Variants in THADA observed in about 807,000 individuals in gnomAD.
The protein encoded by THADA is THADA armadillo repeat containing.
In THADA, 213 loss-of-function variants were observed where a neutral mutation model predicts 219.8. That is an observed-to-expected ratio of 0.97 (90% CI 0.87 to 1.09). THADA has a LOEUF of 1.09. Among genes scored for constraint, THADA ranks in the 50% least tolerant of loss-of-function variants. The pLI is 0.00. For synonymous variants in THADA, 1,018 were observed against 828.9 expected (o/e 1.23, Z -3.92); for missense variants, 2,956 against 2,311.3 (o/e 1.28, Z -5.72).
Position 43,590,710 on chromosome 2 carries a change from G to C in THADA, c.302+114C>G. 5.5e-6 allele frequency: 5 copies of C among 906,924 alleles called. No homozygotes were observed. The South Asian group carries it at 7.1e-5, about 13-fold the overall frequency. 56.2% of individuals were successfully genotyped at this position (906,924 alleles called of 1,614,324 possible). A position where few individuals can be genotyped will look rare whatever the true frequency, so the allele number is the denominator to read the frequency against. ...GAAACAGAGAACAAACCATATGAAT[G>C]AACTTTTTGTGATCTGTATCAGTTC... On this transcript the variant is annotated intron_variant, in intron 4 of 37. Transcript: ENST00000405975.
intron 25 of THADA, among the ~76,000 whole-genome samples, chr2:43,489,463 C>A (rs756717402): frequency 6.6e-6 from 1 of 152,020 alleles, no homozygotes; most frequent in African/African-American, 2.4e-5. Context: ...GTTATCTAAT[C>A]CAAGGTACAA....
At chr2:43,238,191 G>GAGA (rs1032252014) in intron 36 of THADA, among the ~76,000 whole-genome samples, 49 of 148,272 alleles carry the variant, frequency 3.3e-4, no homozygotes, top group Non-Finnish European at 5.8e-4. Flanking sequence ...GGAAAGAAGG[G>GAGA]AGAGAAGGAA....
intron 22 of THADA, among the ~76,000 whole-genome samples, chr2:43,521,512 C>T (rs1029194819): frequency 6.6e-6 from 1 of 152,168 alleles, no homozygotes; most frequent in Non-Finnish European, 1.5e-5. Context: ...GCCGAGATTG[C>T]ACCACTGCAC....
At chr2:43,543,715 G>A (rs1358221406) in intron 20 of THADA, among the ~76,000 whole-genome samples, 2 of 151,986 alleles carry the variant, frequency 1.3e-5, no homozygotes, top group African/African-American at 4.8e-5. Context: ...ACTTTTTGAT[G>A]GGGTTGTTTT....
intron 29 of THADA, among the ~76,000 whole-genome samples, chr2:43,349,027 A>T (rs1230761141): frequency 2.0e-5 from 3 of 152,156 alleles, no homozygotes; most frequent in Middle Eastern, 3.2e-3. Flanking sequence ...GTTATGACCC[A>T]ATCAGAAAAA....
In THADA at chr2:43,344,181, G is replaced by A; in HGVS notation, c.4284C>T (p.Phe1428=). ...SDSKHGTNSD[F]QHELTDITVC... is the part of the protein sequence containing the mutation. ...CAGTGATGTCAGTCAGCTCGTGCTG[G>A]AAGTCTGAATTCGTTCCGTGTTTGG... The change falls in exon 30 of 38, where the codon TTC becomes TTT. Residue 1428 remains phenylalanine (F), a synonymous_variant. Transcript: ENST00000405975. The A allele has an allele frequency of 6.2e-7, 1 of 1,612,780 alleles. No individual in the cohort carries two copies. The highest frequency in any genetic ancestry group is 1.1e-5 in the South Asian group (1 of 90,572).
intron 28 of THADA, among the ~76,000 whole-genome samples, chr2:43,418,845 G>A (rs1677336875): frequency 6.6e-6 from 1 of 152,154 alleles, no homozygotes; most frequent in Non-Finnish European, 1.5e-5. Context: ...AAAGGAGTCT[G>A]CAATAGCATC....
intron 28 of THADA, among the ~76,000 whole-genome samples, chr2:43,400,391 T>C (rs1157983000): frequency 1.3e-5 from 2 of 150,088 alleles, no homozygotes; most frequent in African/African-American, 4.9e-5. Flanking sequence ...TAACATTCAT[T>C]ATAAAGCAAT....
At chr2:43,471,018 G>C (rs1302631009) in intron 26 of THADA, among the ~76,000 whole-genome samples, 2 of 152,168 alleles carry the variant, frequency 1.3e-5, no homozygotes, top group African/African-American at 4.8e-5. Context: ...TGTAGGAAAA[G>C]AGTTGGAGTC....
Position 43,590,888 on chromosome 2 carries a change from C to G in THADA, c.238G>C (p.Asp80His). 9 of 1,613,348 alleles carry G rather than the reference C, an allele frequency of 5.6e-6. No homozygotes were observed. The highest frequency in any genetic ancestry group is 7.6e-6 in the Non-Finnish European group (9 of 1,179,406). ...MCDPTIQSCL[D>H]ILAGIYLSLS... ...GAAAGATAAATGCCTGCTAAGATAT[C>G]CAAACAACTTTGAATAGTGGGATCA... Residue 80 changes from aspartate to histidine, a missense_variant, in exon 4 of 38, where the codon GAT becomes CAT. By Grantham distance (81) the Asp-to-His change is moderately conservative (BLOSUM62 -1). Transcript: ENST00000405975.
intron 29 of THADA, among the ~76,000 whole-genome samples, chr2:43,353,480 C>T (rs553393081): frequency 6.6e-6 from 1 of 152,182 alleles, no homozygotes; most frequent in South Asian, 2.1e-4. Flanking sequence ...TTCATGTCAT[C>T]TTTTTTGAGA....
At chr2:43,231,412 C>CAGT in intron 37 of THADA, 69 bp from the exon 38 acceptor site, 1 of 1,430,512 alleles carries the variant, frequency 7.0e-7, no homozygotes, top group East Asian at 2.5e-5. Context: ...CCAGACCAAG[C>CAGT]AGTACCCTGC....
At chr2:43,452,468 A>G (rs1347246670) in intron 26 of THADA, among the ~76,000 whole-genome samples, 1 of 152,118 alleles carries the variant, frequency 6.6e-6, no homozygotes, top group Non-Finnish European at 1.5e-5. Context: ...CAATTATCTT[A>G]TTTCCCAATC....
At chr2:43,286,583 A>G (rs143885419) in intron 35 of THADA, among the ~76,000 whole-genome samples, 9,876 of 152,158 alleles carry the variant, frequency 0.065, 434 homozygotes, top group Middle Eastern at 0.13. Flanking sequence ...TCTACTAAAA[A>G]TACAAAAATT....
At chr2:43,377,227 C>T (rs371217168) in intron 29 of THADA, among the ~76,000 whole-genome samples, 2 of 152,290 alleles carry the variant, frequency 1.3e-5, no homozygotes, top group African/African-American at 4.8e-5. Context: ...AGATAACGGT[C>T]CTTTCCTACT....
chr2:43,262,357 C>T (rs1461446861), intron 36 of THADA, among the ~76,000 whole-genome samples: 4 of 152,206 alleles, frequency 2.6e-5, no homozygotes, highest in African/African-American at 9.7e-5. Flanking sequence ...GCTAATGCTT[C>T]TGGCAACCAT....
chr2:43,362,041 G>A (rs1404674792), intron 29 of THADA, among the ~76,000 whole-genome samples: 2 of 152,136 alleles, frequency 1.3e-5, no homozygotes, highest in Non-Finnish European at 2.9e-5. Flanking sequence ...CTTTAAAATA[G>A]GCTAAGAAAG....
At chr2:43,315,412 G>A (rs1281018937) in intron 31 of THADA, among the ~76,000 whole-genome samples, 1 of 152,022 alleles carries the variant, frequency 6.6e-6, no homozygotes, top group Non-Finnish European at 1.5e-5. Context: ...TTATCAAAAT[G>A]GCTGGGCAAA....
intron 27 of THADA, among the ~76,000 whole-genome samples, chr2:43,429,526 C>T (rs1282353505): frequency 6.6e-6 from 1 of 152,042 alleles, no homozygotes; most frequent in Non-Finnish European, 1.5e-5. Context: ...CATTTCTGAA[C>T]ACAAGTGATC....
Sources: allele counts gnomAD v4.1 joint callset (sites outside exome capture counted in the v4.1 genomes callset), GRCh38; gene constraint gnomAD v4.1.1; transcripts MANE v1.5; gene names NCBI Gene and HGNC (gene_info 2026-07-23, HGNC 2026-07-21).